Variants in COX7B2 observed in about 807,000 individuals in gnomAD.
COX7B2 encodes the protein cytochrome c oxidase subunit 7B2, mitochondrial.
For synonymous variants in COX7B2, 37 were observed against 32.1 expected, an observed-to-expected ratio of 1.15 and a Z score of -0.51; for missense variants, 109 against 95.9, an observed-to-expected ratio of 1.14 and a Z score of -0.57.
intron 2 of COX7B2, among the ~76,000 whole-genome samples, chr4:46,762,400 ATATATAATAT>A (rs1182159914): frequency 7.3e-6 from 1 of 137,740 alleles, no homozygotes; most frequent in Non-Finnish European, 1.5e-5. Context: ...TATATTTACA[ATATATAATAT>A]TATATAATAT....
At chr4:46,757,779 A>C (rs908125888) in intron 2 of COX7B2, among the ~76,000 whole-genome samples, 7 of 152,142 alleles carry the variant, frequency 4.6e-5, no homozygotes, top group African/African-American at 1.7e-4. Context: ...TCAGGTGTGC[A>C]ATAAATATTT....
At chr4:46,840,585 C>G (rs1715865664) in intron 2 of COX7B2, among the ~76,000 whole-genome samples, 1 of 152,022 alleles carries the variant, frequency 6.6e-6, no homozygotes, top group South Asian at 2.1e-4. Context: ...TTTGATCTAT[C>G]AGCTTTAAAA....
intron 2 of COX7B2, among the ~76,000 whole-genome samples, chr4:46,781,492 T>C (rs1385124235): frequency 1.3e-5 from 2 of 152,198 alleles, no homozygotes; most frequent in Non-Finnish European, 2.9e-5. Context: ...TTCAATCCTT[T>C]CCTACACATA....
At chr4:46,749,394 C>T (rs1715212550) in intron 2 of COX7B2, among the ~76,000 whole-genome samples, 1 of 152,164 alleles carries the variant, frequency 6.6e-6, no homozygotes, top group Admixed American at 6.6e-5. Flanking sequence ...CACAATACCT[C>T]TGCCATTCCC....
Position 46,887,671 on chromosome 4 carries a change from A to C in COX7B2, c.-105+21489T>G, listed in dbSNP as rs143188670. 4.9e-3 allele frequency among the ~76,000 whole-genome samples: 738 copies of C among 149,746 alleles called. 4 individuals carry two copies. The highest frequency in any genetic ancestry group is 0.017 in the African/African-American group (683 of 40,382). On this transcript the variant is annotated intron_variant, in intron 1 of 2. Coordinates refer to ENST00000355591, the MANE Select transcript of COX7B2 (RefSeq NM_130902.3). The stretch of plus-strand genomic sequence containing the variant: ...GCTTGCAGTGAGCTGAGATTGTGCA[A>C]CTGCACTCCAGCCTGGGTGACAGAG...
intron 2 of COX7B2, among the ~76,000 whole-genome samples, chr4:46,753,866 GAAAT>G (rs924448623): frequency 6.6e-6 from 1 of 152,056 alleles, no homozygotes; most frequent in Non-Finnish European, 1.5e-5. Context: ...AAATTTACAA[GAAAT>G]AAACAAACAA....
chr4:46,742,136 A>G (rs1266974617), intron 2 of COX7B2, among the ~76,000 whole-genome samples: 1 of 152,180 alleles, frequency 6.6e-6, no homozygotes, highest in Non-Finnish European at 1.5e-5. Context: ...TAAGTTAGTC[A>G]AAAGAAACAT....
chr4:46,790,468 G>C (rs1008306188), intron 2 of COX7B2, among the ~76,000 whole-genome samples: 29 of 151,708 alleles, frequency 1.9e-4, no homozygotes, highest in African/African-American at 7.1e-4. Context: ...TATTTATACA[G>C]GTAATTTATT....
intron 2 of COX7B2, among the ~76,000 whole-genome samples, chr4:46,768,257 G>C (rs1038192131): frequency 5.3e-5 from 8 of 152,196 alleles, no homozygotes; most frequent in Admixed American, 4.6e-4. Flanking sequence ...GCTCTCAGCA[G>C]GATGGGGAGC....
intron 1 of COX7B2, among the ~76,000 whole-genome samples, chr4:46,903,652 C>A (rs746162357): frequency 3.9e-5 from 6 of 152,120 alleles, no homozygotes; most frequent in Non-Finnish European, 8.8e-5. Flanking sequence ...TTTTTTATCT[C>A]ATACAGTATT....
intron 2 of COX7B2, among the ~76,000 whole-genome samples, chr4:46,762,249 AT>A (rs1201979724): frequency 6.4e-5 from 9 of 141,612 alleles, no homozygotes; most frequent in African/African-American, 2.3e-4. Context: ...TATATTATAT[AT>A]TTAATATATA....
chr4:46,872,219 G>T lies in COX7B2; in HGVS notation c.-104-27205C>A, dbSNP rs1001561051. On this transcript the variant is annotated intron_variant, in intron 1 of 2. Transcript: ENST00000355591. ...TATTATCCTCATAAAATTAATGCAG[G>T]AACAGAAAACCAAATACTACATGTT... Among the ~76,000 whole-genome samples, 3 of 152,036 alleles carry T rather than the reference G, an allele frequency of 2.0e-5. No homozygotes were observed. The East Asian group carries it at 5.8e-4, about 29-fold the overall frequency.
intron 1 of COX7B2, among the ~76,000 whole-genome samples, chr4:46,877,166 T>C (rs1049372263): frequency 3.3e-5 from 5 of 151,862 alleles, no homozygotes; most frequent in African/African-American, 1.2e-4. Context: ...TATCAGGGAG[T>C]GGTAAGTAGA....
chr4:46,872,236 C>A (rs1718037858), intron 1 of COX7B2, among the ~76,000 whole-genome samples: 1 of 152,200 alleles, frequency 6.6e-6, no homozygotes, highest in South Asian at 2.1e-4. Flanking sequence ...AAACCAAATA[C>A]TACATGTTAT....
intron 1 of COX7B2, among the ~76,000 whole-genome samples, chr4:46,890,740 AT>A (rs1407770389): frequency 6.6e-6 from 1 of 152,218 alleles, no homozygotes; most frequent in African/African-American, 2.4e-5. Flanking sequence ...TTCTTAAAGT[AT>A]TGAGTAACAA....
chr4:46,864,644 T>TTTTGTTTG (rs57824496), intron 1 of COX7B2, among the ~76,000 whole-genome samples: 33,277 of 149,116 alleles, frequency 0.22, 3,972 homozygotes, highest in Admixed American at 0.33. Flanking sequence ...CAGAGTTGTT[T>TTTTGTTTG]TTTGTTTGTT....
intron 2 of COX7B2, among the ~76,000 whole-genome samples, chr4:46,754,740 A>ATATATATATG (rs1715669252): frequency 1.5e-5 from 2 of 131,142 alleles, no homozygotes; most frequent in African/African-American, 2.8e-5. Flanking sequence ...ATATATATAT[A>ATATATATATG]TATATATATG....
chr4:46,751,468 G>A (rs1261086081), intron 2 of COX7B2, among the ~76,000 whole-genome samples: 1 of 151,864 alleles, frequency 6.6e-6, no homozygotes, highest in African/African-American at 2.4e-5. Context: ...TCAGTTTAGA[G>A]CAAATGAAAC....
At chr4:46,888,819 C>T (rs2092311864) in intron 1 of COX7B2, among the ~76,000 whole-genome samples, 1 of 152,144 alleles carries the variant, frequency 6.6e-6, no homozygotes, top group African/African-American at 2.4e-5. Flanking sequence ...ACTACAATCC[C>T]AATTCTGTAT....
Sources: allele counts gnomAD v4.1 joint callset (sites outside exome capture counted in the v4.1 genomes callset), GRCh38; gene constraint gnomAD v4.1.1; transcripts MANE v1.5; gene names NCBI Gene and HGNC (gene_info 2026-07-23, HGNC 2026-07-21).